NAV3: variants seen among roughly 807,000 people sequenced by gnomAD.
NAV3 encodes neuron navigator 3, also known as pore membrane and/or filament interacting like protein 1.
Under a neutral mutation model 244.7 loss-of-function variants are expected in NAV3, and 87 were observed. The observed-to-expected ratio is 0.36, with a 90% CI of 0.30 to 0.42. NAV3 has a LOEUF of 0.42. NAV3 is among the 20% of genes least tolerant of loss of function. The probability of loss-of-function intolerance (pLI) is 1.00; values close to 1 mark genes in which losing one functional copy is unlikely to be tolerated. For synonymous variants in NAV3, 1,126 were observed against 1,042.2 expected (o/e 1.08, Z -1.55); for missense variants, 2,663 against 2,893.3 (o/e 0.92, Z 1.83).
chr12:77,821,193 G>A (rs1179921812), intron 2 of NAV3, among the ~76,000 whole-genome samples: 1 of 151,948 alleles, frequency 6.6e-6, no homozygotes, highest in Admixed American at 6.6e-5. Flanking sequence ...CTATTGATGG[G>A]GTAGCTTTTC....
At chr12:77,598,595 G>A (rs1305333475) in intron 2 of NAV3, among the ~76,000 whole-genome samples, 1 of 151,806 alleles carries the variant, frequency 6.6e-6, no homozygotes, top group Non-Finnish European at 1.5e-5. Context: ...TAATTGATAT[G>A]CAAAAATCTG....
At chr12:77,666,364 T>C (rs902438966) in intron 2 of NAV3, among the ~76,000 whole-genome samples, 8 of 152,054 alleles carry the variant, frequency 5.3e-5, no homozygotes, top group African/African-American at 1.9e-4. Context: ...CAGATACTCA[T>C]AGAATGAATG....
intron 2 of NAV3, among the ~76,000 whole-genome samples, chr12:77,757,169 A>T (rs1453283022): frequency 1.3e-5 from 2 of 152,208 alleles, no homozygotes; most frequent in Non-Finnish European, 2.9e-5. Flanking sequence ...ATAATGGCAG[A>T]TGGAAAGAGA....
chr12:77,594,306 A>G (rs939490491), intron 2 of NAV3, among the ~76,000 whole-genome samples: 12 of 151,976 alleles, frequency 7.9e-5, no homozygotes, highest in African/African-American at 2.4e-4. Flanking sequence ...ATAGTTATCT[A>G]TCTGTGCTAG....
intron 3 of NAV3, among the ~76,000 whole-genome samples, chr12:77,954,651 T>C (rs1891199050): frequency 1.3e-5 from 2 of 152,190 alleles, no homozygotes; most frequent in Admixed American, 6.6e-5. Context: ...GAGGAGAACA[T>C]AGAGAAGCTC....
At chr12:77,640,584 C>T (rs2136951216) in intron 2 of NAV3, among the ~76,000 whole-genome samples, 1 of 151,770 alleles carries the variant, frequency 6.6e-6, no homozygotes, top group South Asian at 2.1e-4. Context: ...CCATGTTGTC[C>T]CAAATGGTAG....
At chr12:78,153,761 G>T (rs1414392545) in intron 22 of NAV3, among the ~76,000 whole-genome samples, 1 of 151,582 alleles carries the variant, frequency 6.6e-6, no homozygotes, top group Non-Finnish European at 1.5e-5. Context: ...AAATCTCTTG[G>T]GTATTTTGAG....
intron 12 of NAV3, among the ~76,000 whole-genome samples, chr12:78,074,536 T>C (rs1441783438): frequency 6.6e-6 from 1 of 152,074 alleles, no homozygotes; most frequent in African/African-American, 2.4e-5. Flanking sequence ...AACCCCCATC[T>C]CTACTAAAAA....
At chr12:77,657,491 G>A (rs2137018559) in intron 2 of NAV3, among the ~76,000 whole-genome samples, 1 of 152,280 alleles carries the variant, frequency 6.6e-6, no homozygotes, top group South Asian at 2.1e-4. Flanking sequence ...AAAGAGTCCA[G>A]GACCAGATGG....
chr12:78,199,205 A>G (rs766350585), intron 36 of NAV3, 130 bp from the exon 37 acceptor site: 1 of 728,394 alleles, frequency 1.4e-6, no homozygotes, highest in South Asian at 1.7e-5. Context: ...GGTGGCCACC[A>G]ATTGAAATGG....
At chr12:77,966,342 TG>T in intron 4 of NAV3, 41 bp downstream of exon 4, 1 of 1,492,730 alleles carries the variant, frequency 6.7e-7, no homozygotes, top group Admixed American at 1.9e-5. Context: ...ATGGCATCAA[TG>T]TTTTTAAATT....
intron 5 of NAV3, among the ~76,000 whole-genome samples, chr12:77,992,247 C>T (rs755894181): frequency 3.3e-5 from 5 of 152,078 alleles, no homozygotes; most frequent in African/African-American, 1.2e-4. Context: ...ATAAGCAATA[C>T]AACATTTGAA....
intron 2 of NAV3, among the ~76,000 whole-genome samples, chr12:77,814,077 C>T (rs1426217750): frequency 6.6e-6 from 1 of 152,020 alleles, no homozygotes; most frequent in Non-Finnish European, 1.5e-5. Context: ...GGGTGCGGAG[C>T]CCAGCATCTG....
At chr12:78,117,465 A>G (rs1593654381) in intron 13 of NAV3, among the ~76,000 whole-genome samples, 2 of 146,280 alleles carry the variant, frequency 1.4e-5, no homozygotes, top group African/African-American at 5.0e-5. Context: ...ACCAAGCTAT[A>G]TGGTGTGTAT....
At chr12:78,111,345 T>G (rs2138405643) in intron 12 of NAV3, among the ~76,000 whole-genome samples, 1 of 152,284 alleles carries the variant, frequency 6.6e-6, no homozygotes, top group Admixed American at 6.5e-5. Flanking sequence ...ACTTCTTGTT[T>G]ATGTTAATGC....
intron 1 of NAV3, among the ~76,000 whole-genome samples, chr12:77,861,650 C>G (rs971386850): frequency 6.6e-6 from 1 of 151,720 alleles, no homozygotes; most frequent in Non-Finnish European, 1.5e-5. Context: ...TACCTTCTGT[C>G]CAGATATTCA....
chr12:78,020,707 A>G (rs1473247927), intron 8 of NAV3, among the ~76,000 whole-genome samples: 1 of 152,182 alleles, frequency 6.6e-6, no homozygotes, highest in Non-Finnish European at 1.5e-5. Flanking sequence ...ACTCAAATTT[A>G]GATTAAAAGC....
chr12:77,830,429 C>CCAAT, upstream of NAV3, among the ~76,000 whole-genome samples: 1 of 152,276 alleles, frequency 6.6e-6, no homozygotes, highest in Admixed American at 6.5e-5. Context: ...TTGAGTCATT[C>CCAAT]CAATGATTAA....
intron 2 of NAV3, among the ~76,000 whole-genome samples, chr12:77,666,051 C>T (rs1873699592): frequency 6.6e-6 from 1 of 151,940 alleles, no homozygotes; most frequent in East Asian, 1.9e-4. Context: ...AGTTTATTAT[C>T]TGTTAATCAT....
Sources: gnomAD v4.1 joint callset for allele counts (sites outside exome capture counted in the v4.1 genomes callset) on GRCh38, gnomAD v4.1.1 for gene constraint, MANE v1.5 for transcripts, NCBI Gene and HGNC (gene_info 2026-07-23, HGNC 2026-07-21) for gene names.